LTA4H: variants seen among roughly 807,000 people sequenced by gnomAD.
LTA4H encodes leukotriene A4 hydrolase.
A neutral mutation model predicts 89.8 loss-of-function variants in LTA4H; 59 were observed. The ratio of observed to expected loss-of-function variants is 0.66; its 90% CI spans 0.53 to 0.82. The LOEUF (loss-of-function observed/expected upper bound fraction) is 0.82, where lower values mean the gene tolerates loss of function less well. Ranked by LOEUF, LTA4H falls within the 40% of genes least tolerant of loss-of-function variation. The pLI, the probability that LTA4H is intolerant of heterozygous loss-of-function variation, is 0.00. For synonymous variants in LTA4H, 227 were observed against 253.1 expected (o/e 0.90, Z 0.98); for missense variants, 617 against 727.0 (o/e 0.85, Z 1.74).
At position 96,035,364 on chromosome 12, in the gene LTA4H, G is replaced by C. The variant is rs761943580; in HGVS notation, c.156C>G (p.Ser52Arg). 6.2e-7 allele frequency: 1 copy of C among 1,607,072 alleles called. No homozygotes were observed. Among genetic ancestry groups the C allele is most frequent in the Non-Finnish European group, 8.5e-7 (1 of 1,176,720 alleles). Reference protein sequence around the residue: ...TVQSQEDNLRSLVLDTKDLTI... With the variant: ...TVQSQEDNLRRLVLDTKDLTI... ...CTGGGCAGGCGCCCCACTGTACCAG[G>C]CTGCGCAGATTGTCCTCCTGAGACT... The change falls in exon 1 of 19, where the codon AGC (serine) becomes AGG (arginine). Residue 52 changes from serine (S) to arginine (R), a missense_variant. Around this residue, in one of 3 missense-constraint regions of LTA4H, gnomAD observed 155 missense variants for 143.3 expected, o/e 1.08. Transcript: ENST00000228740.
chr12:96,002,876 G>A (rs1950127950), intron 18 of LTA4H, 84 bp downstream of exon 18: 9 of 873,580 alleles, frequency 1.0e-5, no homozygotes, highest in Middle Eastern at 2.3e-4. Flanking sequence ...AAAAAATATT[G>A]TCATATAGAT....
At chr12:96,019,599 T>TC (rs1232800349) in intron 6 of LTA4H, among the ~76,000 whole-genome samples, 1 of 146,008 alleles carries the variant, frequency 6.8e-6, no homozygotes, top group Non-Finnish European at 1.5e-5. Context: ...TTTTTTTTTT[T>TC]TTTTTTTTTT....
rs1950329931 is a variant in LTA4H at position 96,013,237 on chromosome 12, C to T, written c.1330G>A (p.Asp444Asn). The T allele has an allele frequency of 3.1e-6, 5 of 1,613,570 alleles. No individual in the cohort carries two copies. The highest frequency in any genetic ancestry group is 4.2e-6 in the Non-Finnish European group (5 of 1,179,606). Residue 444 changes from aspartate to asparagine, a missense_variant, in exon 14 of 19, where the codon GAT becomes AAT. Asp to Asn is a conservative substitution (Grantham distance 23, BLOSUM62 1). Transcript: ENST00000228740. ...GGAGAGTAGAGCCAGGCATTCCAAT[C>T]AACTTGATTGAGAACATCAACCTAT... ...KDKVDVLNQVDWNAWLYSPGL... is the reference protein window; with the variant it reads ...KDKVDVLNQVNWNAWLYSPGL...
upstream of LTA4H, among the ~76,000 whole-genome samples, chr12:96,036,275 T>A (rs1950646194): frequency 6.6e-6 from 1 of 152,124 alleles, no homozygotes; most frequent in South Asian, 2.1e-4. Context: ...GCAATGGGAG[T>A]ACAGAGCTGG....
intron 12 of LTA4H, 135 bp downstream of exon 12, chr12:96,014,720 T>C: frequency 1.2e-6 from 1 of 803,624 alleles, no homozygotes; most frequent in South Asian, 2.0e-5. Flanking sequence ...CAGAAAACAA[T>C]ACAGATTTCT....
intron 5 of LTA4H, 59 bp from the exon 6 acceptor site, chr12:96,021,196 C>A: frequency 8.0e-7 from 1 of 1,256,270 alleles, no homozygotes; most frequent in Non-Finnish European, 1.1e-6. Context: ...AAATGTTACA[C>A]AGTAAGACAA....
At chr12:96,030,899 C>G (rs1950564682) in intron 1 of LTA4H, among the ~76,000 whole-genome samples, 1 of 152,140 alleles carries the variant, frequency 6.6e-6, no homozygotes, top group Non-Finnish European at 1.5e-5. Context: ...CCTCTCTAGT[C>G]TCTTCATAGT....
At chr12:96,032,863 C>CT (rs1566018101) in intron 1 of LTA4H, among the ~76,000 whole-genome samples, 1 of 152,062 alleles carries the variant, frequency 6.6e-6, no homozygotes, top group Non-Finnish European at 1.5e-5. Context: ...CTCTTGCTTA[C>CT]TTATAGAACA....
chr12:96,043,406 A>G (rs1170686328), exon 1 of LTA4H: 1 of 1,402,074 alleles, frequency 7.1e-7, no homozygotes. Flanking sequence ...TGTAGACAGG[A>G]GGAGAGAAAA....
rs1204438226 is a variant in LTA4H, at chr12:96,014,937, G to T, written c.1122C>A (p.Asp374Glu). The change falls in exon 12 of 19, where the codon GAC (aspartate) becomes GAA (glutamate). Residue 374 changes from aspartate (D) to glutamate (E), a missense_variant. By Grantham distance (45) the Asp-to-Glu change is conservative (BLOSUM62 2). Coordinates refer to ENST00000228740, the MANE Select transcript of LTA4H (RefSeq NM_000895.3). ...TKLVVDLTDI[D>E]PDVAYSSVPY... The stretch of plus-strand genomic sequence containing the variant: ...GAACTGAAGAATAAGCTACATCAGG[G>T]TCTATATCTGTCAGATCAACCACAA... The T allele has an allele frequency of 2.5e-6, 4 of 1,613,504 alleles. No homozygotes were observed. Among genetic ancestry groups the T allele is most frequent in the South Asian group, 1.1e-5 (1 of 90,944 alleles).
intron 4 of LTA4H, among the ~76,000 whole-genome samples, chr12:96,023,710 C>T (rs1950480278): frequency 6.6e-6 from 1 of 152,056 alleles, no homozygotes; most frequent in Non-Finnish European, 1.5e-5. Flanking sequence ...CCGCCTTTTC[C>T]AAAAAGGATT....
chr12:96,006,391 T>A lies in LTA4H; in HGVS notation c.1453A>T (p.Asn485Tyr). The A allele has an allele frequency of 6.2e-7, 1 of 1,607,604 alleles. No individual in the cohort carries two copies. The highest frequency in any genetic ancestry group is 8.5e-7 in the Non-Finnish European group (1 of 1,175,566). The change falls in exon 16 of 19, where the codon AAT becomes TAT. Residue 485 changes from asparagine (N) to tyrosine (Y), a missense_variant. Coordinates refer to ENST00000228740, the MANE Select transcript of LTA4H (RefSeq NM_000895.3). ...RWITAKEDDL[N>Y]SFNATDLKDL... is the part of the protein sequence containing the mutation. Reference sequence around the variant, plus strand: ...TTCAGGTCTGTGGCATTGAATGAATTTAAATCATCTTCTTTGGCCTGAAAT... The same window carrying A: ...TTCAGGTCTGTGGCATTGAATGAATATAAATCATCTTCTTTGGCCTGAAAT...
At chr12:96,013,994 G>A (rs991553169) in intron 12 of LTA4H, 141 bp from the exon 13 acceptor site, 2 of 533,776 alleles carry the variant, frequency 3.7e-6, no homozygotes, top group Non-Finnish European at 3.3e-6. Flanking sequence ...CTTTCAGAGT[G>A]AAAGAATGTT....
rs148698412 is a variant in LTA4H at position 96,019,135 on chromosome 12, A to G, written c.711+33T>C. On this transcript the variant is annotated intron_variant, in intron 7 of 18. Coordinates refer to ENST00000228740, the MANE Select transcript of LTA4H (RefSeq NM_000895.3). ...CAAAATCTTCAATCTACTGTCTATC[A>G]CAATGATTACAAAGGATAACTAAAT... 7.6e-4 allele frequency: 1,198 copies of G among 1,570,596 alleles called. 13 individuals carry two copies. The East Asian group carries it at 0.013, about 17-fold the overall frequency.
chr12:96,043,229 GTAGGCA>G, intron 1 of LTA4H: 1 of 1,209,570 alleles, frequency 8.3e-7, no homozygotes, highest in Non-Finnish European at 1.2e-6. Context: ...AATTGAAGGG[GTAGGCA>G]GGGACTCGAC....
upstream of LTA4H, among the ~76,000 whole-genome samples, chr12:96,039,183 G>C (rs1301119363): frequency 3.3e-5 from 5 of 152,198 alleles, no homozygotes; most frequent in East Asian, 9.7e-4. Context: ...CCAGGAGTTT[G>C]AGTTCAGCCT....
chr12:96,022,304 T>C lies in LTA4H; in HGVS notation c.481-53A>G, dbSNP rs573053357. On this transcript the variant is annotated intron_variant, in intron 4 of 18. Transcript: ENST00000228740. The surrounding 1 kb of genome is among the most constrained non-coding windows in gnomAD (Gnocchi z 4.0). ...TCATAAATAAAAGCTTCTATGTGTC[T>C]TAAACCATATATGTAAAATAACCTT... 4.0e-5 allele frequency: 46 copies of C among 1,140,064 alleles called. No individual in the cohort carries two copies. Among genetic ancestry groups the C allele is most frequent in the Non-Finnish European group, 5.1e-5 (39 of 764,308 alleles). The allele number at this position is 1,140,064 out of a possible 1,614,324, so 70.6% of individuals were successfully genotyped here. A position where few individuals can be genotyped will look rare whatever the true frequency, so the allele number is the denominator to read the frequency against.
chr12:96,030,846 T>C (rs570271841), intron 1 of LTA4H, among the ~76,000 whole-genome samples: 9 of 152,336 alleles, frequency 5.9e-5, no homozygotes, highest in Non-Finnish European at 8.8e-5. Flanking sequence ...ATACGGTTTA[T>C]ATCTTATTTA....
chr12:96,028,324 TGG>T (rs761655840), intron 2 of LTA4H, among the ~76,000 whole-genome samples: 73 of 152,178 alleles, frequency 4.8e-4, no homozygotes, highest in Non-Finnish European at 1.3e-4. Flanking sequence ...CCTTGTAGAA[TGG>T]GGTGAATACC....
Sources: gnomAD v4.1 joint callset for allele counts (sites outside exome capture counted in the v4.1 genomes callset) on GRCh38, gnomAD v4.1.1 for gene constraint, gnomAD v4.1.1 regional missense constraint, Gnocchi (gnomAD v3.1) non-coding constraint, MANE v1.5 for transcripts, NCBI Gene and HGNC (gene_info 2026-07-23, HGNC 2026-07-21) for gene names.